UBXN6: variants seen among roughly 807,000 people sequenced by gnomAD.
UBXN6 encodes the protein UBX domain-containing protein 6.
In UBXN6, 44 loss-of-function variants were observed where a neutral mutation model predicts 51.4. The ratio of observed to expected loss-of-function variants is 0.86; its 90% confidence interval spans 0.67 to 1.10. UBXN6 has a LOEUF of 1.10. UBXN6 is among the 50% of genes least tolerant of loss of function. The pLI is 0.00. For missense variants in UBXN6, 672 were observed against 596.1 expected (o/e 1.13, Z -1.32); for synonymous variants, 316 against 263.2 (o/e 1.20, Z -1.94).
intron 1 of UBXN6, 125 bp downstream of exon 1, chr19:4,457,490 T>G: frequency 7.4e-6 from 3 of 407,074 alleles, no homozygotes; most frequent in Non-Finnish European, 6.6e-6. Context: ...CCCCCTCCCC[T>G]GACCCTCGCG....
intron 4 of UBXN6, among the ~76,000 whole-genome samples, chr19:4,451,347 C>T (rs556031529): frequency 1.1e-4 from 17 of 152,244 alleles, no homozygotes; most frequent in South Asian, 4.2e-4. Context: ...CAAGAGCCAC[C>T]GCGCCCAGCC....
In UBXN6 at chr19:4,446,321, A is replaced by G; in HGVS notation, c.1013T>C (p.Leu338Pro). ...GCCATCGGGGAGGCGCACGCGCAGCAGCGTGTAGTTGTACTTGCGCAGCCC... is the reference window on the plus strand; with the variant it reads ...GCCATCGGGGAGGCGCACGCGCAGCGGCGTGTAGTTGTACTTGCGCAGCCC... ...QRGLRKYNYTLLRVRLPDGCL... is the reference protein window; with the variant it reads ...QRGLRKYNYTPLRVRLPDGCL... Residue 338 changes from leucine to proline, a missense_variant, in exon 9 of 11, where the codon CTG becomes CCG. Coordinates refer to ENST00000301281, the MANE Select transcript of UBXN6 (RefSeq NM_025241.3). 1.9e-6 allele frequency: 3 copies of G among 1,574,890 alleles called. No individual in the cohort carries two copies. The highest frequency in any genetic ancestry group is 2.6e-6 in the Non-Finnish European group (3 of 1,166,162).
chr19:4,455,838 C>CT (rs1226265724), intron 1 of UBXN6, among the ~76,000 whole-genome samples: 2 of 152,114 alleles, frequency 1.3e-5, no homozygotes, highest in Non-Finnish European at 2.9e-5. Context: ...TCACTGTGTC[C>CT]TGGGAGAGGC....
intron 10 of UBXN6, chr19:4,445,825 C>T (rs1974498834): frequency 9.6e-7 from 1 of 1,044,132 alleles, no homozygotes; most frequent in Non-Finnish European, 1.3e-6. Context: ...CTAGCTAACG[C>T]ACGTCACCGC....
In UBXN6 at chr19:4,453,953, GA is replaced by G; in HGVS notation, c.223del (p.Ser75ArgfsTer9). ...ACCCTGGTTTCGGATGGTGTCCTGCGATGTGGGGCCCCAGGCCCGGGACTGC... is the reference window on the plus strand; with the variant it reads ...ACCCTGGTTTCGGATGGTGTCCTGCGTGTGGGGCCCCAGGCCCGGGACTGC... The part of the protein sequence containing the change: ...QKQSRAWGPT[S>X]QDTIRNQVRK... On this transcript the variant is annotated frameshift_variant, in exon 2 of 11. Transcript: ENST00000301281. LOFTEE classifies it high-confidence loss of function. The G allele has an allele frequency of 6.2e-7, 1 of 1,611,018 alleles. No homozygotes were observed. The highest frequency in any genetic ancestry group is 8.5e-7 in the Non-Finnish European group (1 of 1,179,832).
chr19:4,445,666 C>A (rs1241662326), intron 10 of UBXN6, 43 bp from the exon 11 acceptor site: 3 of 1,590,000 alleles, frequency 1.9e-6, no homozygotes, highest in Admixed American at 3.4e-5. Flanking sequence ...GAGAGTCGGC[C>A]CTTGCCGCGG....
chr19:4,449,831 A>T (rs1974618316), intron 4 of UBXN6: 1 of 152,168 alleles, frequency 6.6e-6, no homozygotes, highest in African/African-American at 2.4e-5. Context: ...GATCTAAAAA[A>T]AAAATTACAT....
chr19:4,448,610 C>G (rs749243018), intron 4 of UBXN6, 195 bp from the exon 5 acceptor site: 1 of 597,978 alleles, frequency 1.7e-6, no homozygotes, highest in Non-Finnish European at 3.0e-6. Context: ...GCAGAGGCGA[C>G]GCAGCCAAGA....
rs758771869 is a variant in UBXN6, at chr19:4,445,449, G to A, written c.*49C>T. 2 of 1,610,710 alleles carry A rather than the reference G, an allele frequency of 1.2e-6. No individual in the cohort carries two copies. Among genetic ancestry groups the A allele is most frequent in the South Asian group, 2.2e-5 (2 of 90,922 alleles). On this transcript the variant is annotated 3_prime_UTR_variant, in exon 11 of 11. Coordinates refer to ENST00000301281, the MANE Select transcript of UBXN6 (RefSeq NM_025241.3). ...CCTGGGGTGGCGGGGAGAGGAACAG[G>A]GAGAGCATGAGACAGACCCACAGGG...
chr19:4,446,586 C>A lies in UBXN6; in HGVS notation c.834G>T (p.Gln278His), dbSNP rs769037800. Residue 278 changes from glutamine (Q) to histidine (H), a missense_variant, in exon 8 of 11, where the codon CAG (glutamine) becomes CAT (histidine). Gln to His is a conservative substitution (Grantham distance 24). Coordinates refer to ENST00000301281, the MANE Select transcript of UBXN6 (RefSeq NM_025241.3). ...CGAACTGCGAGGCCAGGGGCGAGGG[C>A]TGGAAGACGCGGCGCTGCCTGTCCA... Reference protein sequence around the residue: ...AKLDRQRRVFQPSPLASQFEL... With the variant: ...AKLDRQRRVFHPSPLASQFEL... The A allele has an allele frequency of 5.0e-6, 8 of 1,612,662 alleles. No individual in the cohort carries two copies. The highest frequency in any genetic ancestry group is 1.7e-5 in the Admixed American group (1 of 60,020).
intron 4 of UBXN6, 177 bp from the exon 5 acceptor site, chr19:4,448,592 G>A (rs1974590849): frequency 1.1e-5 from 7 of 615,882 alleles, no homozygotes; most frequent in East Asian, 1.1e-4. Flanking sequence ...CCCTGCCCAC[G>A]CCCCAGGGCA....
At chr19:4,445,803 A>G in intron 10 of UBXN6, 180 bp from the exon 11 acceptor site, 2 of 1,131,576 alleles carry the variant, frequency 1.8e-6, no homozygotes, top group Non-Finnish European at 2.4e-6. Context: ...ACCTAAGCCT[A>G]AACCTACTGC....
intron 4 of UBXN6, chr19:4,450,328 T>C (rs62130984): frequency 0.36 from 54,013 of 150,994 alleles, 9,968 homozygotes; most frequent in Non-Finnish European, 0.42. Context: ...AGCCATGAAC[T>C]AAAACTGACA....
chr19:4,446,342 A>G lies in UBXN6; in HGVS notation c.992T>C (p.Leu331Pro). The G allele has an allele frequency of 6.4e-7, 1 of 1,570,346 alleles. No individual in the cohort carries two copies. The highest frequency in any genetic ancestry group is 1.7e-4 in the Middle Eastern group (1 of 6,022). ...AMREKEEQRGLRKYNYTLLRV... is the reference protein window; with the variant it reads ...AMREKEEQRGPRKYNYTLLRV... ...CAGCAGCGTGTAGTTGTACTTGCGC[A>G]GCCCCCGCTGCTCCTCCTTCTCCCG... The change falls in exon 9 of 11, where the codon CTG becomes CCG. Residue 331 changes from leucine to proline, a missense_variant. Transcript: ENST00000301281.
intron 4 of UBXN6, among the ~76,000 whole-genome samples, chr19:4,451,618 G>A (rs563672036): frequency 7.2e-5 from 11 of 152,158 alleles, no homozygotes; most frequent in African/African-American, 2.6e-4. Context: ...AGGACTTGCT[G>A]TATTGGAAAA....
Position 4,446,109 on chromosome 19 carries a change from C to T in UBXN6, c.1140G>A (p.Leu380=), listed in dbSNP as rs1974508466. The T allele has an allele frequency of 6.2e-7, 1 of 1,612,752 alleles. No individual in the cohort carries two copies. The highest frequency in any genetic ancestry group is 1.7e-4 in the Middle Eastern group (1 of 6,060). The part of the protein sequence containing the change: ...LQSDWLPFEL[L]ASGGQKLSED... ...CGGACAGCTTCTGCCCTCCCGAGGC[C>T]AGCAGCTCAAAAGGCAGCCAGTCGC... The change falls in exon 10 of 11, where the codon CTG becomes CTA. Residue 380 remains leucine, a synonymous_variant. Coordinates refer to ENST00000301281, the MANE Select transcript of UBXN6 (RefSeq NM_025241.3).
At chr19:4,447,384 C>T (rs1599674712) in intron 6 of UBXN6, 166 bp downstream of exon 6, 3 of 680,366 alleles carry the variant, frequency 4.4e-6, no homozygotes, top group East Asian at 2.7e-5. Context: ...TCTTGCTCTC[C>T]ATCTTGTCCT....
rs1388933452 is a variant in UBXN6 at position 4,453,910 on chromosome 19, C to T, written c.247+20G>A. The T allele has an allele frequency of 6.2e-6, 10 of 1,604,210 alleles. No individual in the cohort carries two copies. The highest frequency in any genetic ancestry group is 2.2e-5 in the South Asian group (2 of 90,730). Reference sequence around the variant, plus strand: ...ACCTCAAACAGCCCCAACCTGGGCCCGAGGAGGGCCATATCTCACCCTGGT... The same window carrying T: ...ACCTCAAACAGCCCCAACCTGGGCCTGAGGAGGGCCATATCTCACCCTGGT... On this transcript the variant is annotated intron_variant, in intron 2 of 10. Transcript: ENST00000301281.
chr19:4,453,515 C>T lies in UBXN6; in HGVS notation c.255G>A (p.Lys85=). ...TGACGGTGGCTTCGGCTTGAAGTTC[C>T]TTTCTCACTGGAAGGCAGCCCAAGA... ...SQDTIRNQVR[K]ELQAEATVSG... Residue 85 remains lysine, a synonymous_variant, in exon 3 of 11, where the codon AAG becomes AAA. Transcript: ENST00000301281. 1 of 1,613,746 alleles carries T rather than the reference C, an allele frequency of 6.2e-7. No homozygotes were observed. The highest frequency in any genetic ancestry group is 8.5e-7 in the Non-Finnish European group (1 of 1,179,910).
Sources: allele counts gnomAD v4.1 joint callset (sites outside exome capture counted in the v4.1 genomes callset), GRCh38; gene constraint gnomAD v4.1.1; transcripts MANE v1.5; gene names NCBI Gene and HGNC (gene_info 2026-07-23, HGNC 2026-07-21).